Variants in ZER1 observed in about 807,000 individuals in gnomAD.
ZER1 encodes protein zer-1 homolog.
A neutral mutation model predicts 78.8 loss-of-function variants in ZER1; 11 were observed. That is an observed-to-expected ratio of 0.14 (90% CI 0.09 to 0.23). The LOEUF (loss-of-function observed/expected upper bound fraction) is 0.23, where lower values mean the gene tolerates loss of function less well. ZER1 is among the 10% of genes least tolerant of loss of function. The probability of loss-of-function intolerance (pLI) is 1.00; values close to 1 mark genes in which losing one functional copy is unlikely to be tolerated. For missense variants in ZER1, 588 were observed against 996.9 expected (o/e 0.59, Z 5.52); for synonymous variants, 400 against 407.0 (o/e 0.98, Z 0.21).
At chr9:128,752,532 G>T (rs748810126) in intron 5 of ZER1, 141 bp downstream of exon 5, 17 of 892,556 alleles carry the variant, frequency 1.9e-5, no homozygotes, top group Non-Finnish European at 2.6e-5. Flanking sequence ...TGTTGGCCAG[G>T]CTGGTCTCTA....
At chr9:128,738,516 G>T (rs923215493) in intron 13 of ZER1, among the ~76,000 whole-genome samples, 1 of 146,502 alleles carries the variant, frequency 6.8e-6, no homozygotes, top group Non-Finnish European at 1.5e-5. Context: ...CTCCCGAGTA[G>T]CTGGGACTAC....
chr9:128,750,058 T>C (rs1355355283), intron 8 of ZER1, among the ~76,000 whole-genome samples: 1 of 151,928 alleles, frequency 6.6e-6, no homozygotes, highest in Non-Finnish European at 1.5e-5. Flanking sequence ...AAGAAAAAAA[T>C]TGTTGGCGGA....
chr9:128,734,144 A>ATATATATATATATATATATAT (rs1554784814), intron 14 of ZER1, among the ~76,000 whole-genome samples: 5 of 14,440 alleles, frequency 3.5e-4, no homozygotes, highest in African/African-American at 5.6e-4. Context: ...AAAAAAAAAA[A>ATATATATATATATATATATAT]ATATATATAT....
chr9:128,752,641 C>A (rs373572110), intron 5 of ZER1, 32 bp downstream of exon 5: 51 of 1,589,840 alleles, frequency 3.2e-5, no homozygotes, highest in Non-Finnish European at 4.2e-5. Context: ...TGAATGACAC[C>A]CTACCAGTAG....
chr9:128,731,101 T>C lies in ZER1; in HGVS notation c.*236A>G, dbSNP rs1862799538. Reference sequence around the variant, plus strand: ...GGACTCAGGAGTGTTGCTTTTGTTTTTGCACAGAAATCATACACACAAAAC... The same window carrying C: ...GGACTCAGGAGTGTTGCTTTTGTTTCTGCACAGAAATCATACACACAAAAC... On this transcript the variant is annotated 3_prime_UTR_variant, in exon 16 of 16. Transcript: ENST00000291900. The C allele has an allele frequency of 5.0e-6, 1 of 198,226 alleles. No homozygotes were observed. Among genetic ancestry groups the C allele is most frequent in the Non-Finnish European group, 9.9e-6 (1 of 100,886 alleles). 12.3% of individuals were successfully genotyped at this position (198,226 alleles called of 1,614,324 possible). A position where few individuals can be genotyped will look rare whatever the true frequency, so the allele number is the denominator to read the frequency against.
chr9:128,759,738 T>A (rs1314028340), intron 1 of ZER1, among the ~76,000 whole-genome samples: 1 of 151,876 alleles, frequency 6.6e-6, no homozygotes, highest in East Asian at 2.0e-4. Context: ...GAGCTTGCAG[T>A]GACCCAAGAT....
intron 13 of ZER1, 125 bp from the exon 14 acceptor site, chr9:128,735,556 G>T (rs1004270044): frequency 1.1e-6 from 1 of 905,054 alleles, no homozygotes. Context: ...AGGATGCCAG[G>T]GAGAAGGGAC....
Position 128,771,838 on chromosome 9 carries a change from G to A in ZER1, c.-352C>T, listed in dbSNP as rs1475710557. On this transcript the variant is annotated 5_prime_UTR_variant, in exon 1 of 16. Transcript: ENST00000291900. ...ACCTTGCCCTTAGGGCTGCCGGCGG[G>A]GCTGAGGCTCCTGGGCCCGGCCCCT... 6.6e-6 allele frequency: 1 copy of A among 152,200 alleles called. No homozygotes were observed. The highest frequency in any genetic ancestry group is 1.5e-5 in the Non-Finnish European group (1 of 68,010). The allele number at this position is 152,200 out of a possible 1,614,324, so 9.4% of individuals were successfully genotyped here.
At chr9:128,745,055 C>A (rs1041467588) in intron 8 of ZER1, among the ~76,000 whole-genome samples, 1 of 152,162 alleles carries the variant, frequency 6.6e-6, no homozygotes, top group African/African-American at 2.4e-5. Flanking sequence ...ATGTCTTCAA[C>A]CTTTTTAGGT....
At chr9:128,739,051 C>G (rs1182223871) in intron 13 of ZER1, among the ~76,000 whole-genome samples, 1 of 150,874 alleles carries the variant, frequency 6.6e-6, no homozygotes, top group Non-Finnish European at 1.5e-5. Flanking sequence ...GGGGTTTCAC[C>G]ATGTTGGGCA....
intron 1 of ZER1, among the ~76,000 whole-genome samples, chr9:128,762,820 A>G (rs1864092176): frequency 6.6e-6 from 1 of 152,194 alleles, no homozygotes; most frequent in Non-Finnish European, 1.5e-5. Flanking sequence ...GGCCCCGGGC[A>G]TGGCCTTCCT....
At chr9:128,733,846 A>G (rs1334735093) in intron 14 of ZER1, among the ~76,000 whole-genome samples, 2 of 145,266 alleles carry the variant, frequency 1.4e-5, no homozygotes, top group Non-Finnish European at 3.0e-5. Flanking sequence ...ATATATATAT[A>G]TGGCCGGGCA....
Position 128,735,439 on chromosome 9 carries a change from A to G in ZER1, c.2043-8T>C. ...AGAATTGGTTCAAATGACCTGCAGGAAAAGAAATCAAGGTCACTGTGGATG... is the reference window on the plus strand; with the variant it reads ...AGAATTGGTTCAAATGACCTGCAGGGAAAGAAATCAAGGTCACTGTGGATG... On this transcript the variant is annotated splice_polypyrimidine_tract_variant and splice_region_variant and intron_variant, in intron 13 of 15. Coordinates refer to ENST00000291900, the MANE Select transcript of ZER1 (RefSeq NM_006336.4). 1 of 1,612,536 alleles carries G rather than the reference A, an allele frequency of 6.2e-7. No individual in the cohort carries two copies. Among genetic ancestry groups the G allele is most frequent in the Non-Finnish European group, 8.5e-7 (1 of 1,179,174 alleles).
In ZER1 at chr9:128,730,571, T is replaced by C. The variant is rs4836623; in HGVS notation, c.*766A>G. ...CAGAAGGGGCAGTGGAATCTGCCCCTGAGTTCTGACCATCCCTGGGCTGGG... is the reference window on the plus strand; with the variant it reads ...CAGAAGGGGCAGTGGAATCTGCCCCCGAGTTCTGACCATCCCTGGGCTGGG... On this transcript the variant is annotated 3_prime_UTR_variant, in exon 16 of 16. Transcript: ENST00000291900. 150,912 of 152,936 alleles carry C rather than the reference T, an allele frequency of 0.99. 74,479 individuals are homozygous for C. The highest frequency in any genetic ancestry group is 1 in the South Asian group (4,829 of 4,832). The allele number at this position is 152,936 out of a possible 1,614,324, so 9.5% of individuals were successfully genotyped here.
intron 1 of ZER1, among the ~76,000 whole-genome samples, chr9:128,761,368 C>T (rs1460303983): frequency 1.3e-5 from 2 of 150,488 alleles, no homozygotes; most frequent in Non-Finnish European, 3.0e-5. Flanking sequence ...CTCACTGCAA[C>T]CTCTGCTTTC....
At chr9:128,741,968 C>G (rs1474233550) in intron 9 of ZER1, 127 bp from the exon 10 acceptor site, 1 of 1,270,410 alleles carries the variant, frequency 7.9e-7, no homozygotes, top group Non-Finnish European at 1.1e-6. Flanking sequence ...GATCAAGTCT[C>G]CCTATATTTG....
chr9:128,758,423 G>A (rs1863931819), intron 1 of ZER1, among the ~76,000 whole-genome samples: 1 of 150,096 alleles, frequency 6.7e-6, no homozygotes, highest in Non-Finnish European at 1.5e-5. Flanking sequence ...ACTGTGCCTG[G>A]CCTTAATTTT....
In ZER1 at chr9:128,742,755, G is replaced by C. The variant is rs775004024; in HGVS notation, c.1360-10C>G. On this transcript the variant is annotated splice_polypyrimidine_tract_variant and intron_variant, in intron 8 of 15. Transcript: ENST00000291900. ...AGCAGTTCCGCTGCACCTGGGCCGG[G>C]ACAGGACACAAGTGGGGCACATTCA... 1 of 1,594,868 alleles carries C rather than the reference G, an allele frequency of 6.3e-7. No homozygotes were observed. The highest frequency in any genetic ancestry group is 8.5e-7 in the Non-Finnish European group (1 of 1,171,716).
At chr9:128,765,534 G>T (rs982616257) in intron 1 of ZER1, among the ~76,000 whole-genome samples, 3 of 152,216 alleles carry the variant, frequency 2.0e-5, no homozygotes, top group Non-Finnish European at 4.4e-5. Flanking sequence ...CAAACAATGG[G>T]AGGGAAAGAG....
Sources: allele counts gnomAD v4.1 joint callset (sites outside exome capture counted in the v4.1 genomes callset), GRCh38; gene constraint gnomAD v4.1.1; transcripts MANE v1.5; gene names NCBI Gene and HGNC (gene_info 2026-07-23, HGNC 2026-07-21).